Variants in CR2 observed in about 807,000 individuals in gnomAD.
The protein encoded by CR2 is complement C3d receptor 2, also known as complement receptor type 2.
A neutral mutation model predicts 123.0 loss-of-function variants in CR2; 96 were observed. The ratio of observed to expected loss-of-function variants is 0.78; its 90% CI spans 0.66 to 0.93. The LOEUF is 0.93. Among genes scored for constraint, CR2 ranks in the 40% least tolerant of loss-of-function variants. CR2 has a pLI of 0.00. For synonymous variants in CR2, 484 were observed against 469.5 expected (o/e 1.03, Z -0.40); for missense variants, 1,258 against 1,361.0 (o/e 0.92, Z 1.19).
chr1:207,480,920 CA>C (rs57032478), intron 18 of CR2, among the ~76,000 whole-genome samples: 29,236 of 150,506 alleles, frequency 0.19, 2,892 homozygotes, highest in Middle Eastern at 0.26. Flanking sequence ...TTTATAATTT[CA>C]AAAAAAAATT....
At chr1:207,457,434 C>T (rs1050573794) in intron 1 of CR2, among the ~76,000 whole-genome samples, 28 of 152,164 alleles carry the variant, frequency 1.8e-4, no homozygotes, top group Non-Finnish European at 5.9e-5. Flanking sequence ...TTTAAGTATA[C>T]CCCAGGAAAT....
intron 1 of CR2, among the ~76,000 whole-genome samples, chr1:207,460,846 T>C (rs1657946665): frequency 6.6e-6 from 1 of 152,110 alleles, no homozygotes. Context: ...ATTTACTGAG[T>C]TCTCTTTGGT....
At chr1:207,482,523 G>A (rs1021944655) in intron 18 of CR2, among the ~76,000 whole-genome samples, 31 of 152,110 alleles carry the variant, frequency 2.0e-4, no homozygotes, top group African/African-American at 7.5e-4. Context: ...CAATGGCTGA[G>A]TGCCTACTAT....
rs1252730507 is a variant in CR2 at position 207,474,909 on chromosome 1, C to A, written c.2409C>A (p.Val803=). 1 of 1,613,926 alleles carries A rather than the reference C, an allele frequency of 6.2e-7. No individual in the cohort carries two copies. The highest frequency in any genetic ancestry group is 2.2e-5 in the East Asian group (1 of 44,876). The part of the protein sequence containing the change: ...MAENFLYGNE[V]SYECDQGFYL... ...AAAACTTTCTATATGGAAATGAAGT[C>A]TCTTATGAATGTGACCAAGGATTCT... Residue 803 remains valine (V), a synonymous_variant, in exon 14 of 20, where the codon GTC becomes GTA. Coordinates refer to ENST00000367057, the MANE Select transcript of CR2 (RefSeq NM_001006658.3).
chr1:207,460,141 A>C (rs1290207739), intron 1 of CR2, among the ~76,000 whole-genome samples: 2 of 152,172 alleles, frequency 1.3e-5, no homozygotes, highest in African/African-American at 2.4e-5. Flanking sequence ...AAGTCACTTG[A>C]CTAGAGTCAC....
intron 1 of CR2, among the ~76,000 whole-genome samples, chr1:207,466,082 T>C (rs550131209): frequency 6.6e-6 from 1 of 152,342 alleles, no homozygotes; most frequent in African/African-American, 2.4e-5. Flanking sequence ...ACTAAGAAAC[T>C]GAAGCTTAAA....
intron 15 of CR2, among the ~76,000 whole-genome samples, 160 bp downstream of exon 15, chr1:207,476,579 A>C (rs1658449819): frequency 6.6e-6 from 1 of 152,208 alleles, no homozygotes; most frequent in Non-Finnish European, 1.5e-5. Context: ...AATATCTCAA[A>C]ATAAGAAAAA....
chr1:207,480,680 T>C (rs1247507937), intron 18 of CR2, among the ~76,000 whole-genome samples: 1 of 152,204 alleles, frequency 6.6e-6, no homozygotes, highest in Non-Finnish European at 1.5e-5. Context: ...TATTGTCAGA[T>C]GACTTGCCAG....
intron 1 of CR2, among the ~76,000 whole-genome samples, chr1:207,465,492 C>A (rs950845584): frequency 2.6e-5 from 4 of 152,150 alleles, no homozygotes; most frequent in Non-Finnish European, 5.9e-5. Context: ...TTCTGGAATG[C>A]AGACCAAAGA....
At chr1:207,458,020 G>A (rs1657875374) in intron 1 of CR2, among the ~76,000 whole-genome samples, 1 of 139,834 alleles carries the variant, frequency 7.2e-6, no homozygotes, top group Admixed American at 7.2e-5. Flanking sequence ...AAGTCTGAAT[G>A]GAAATGATTC....
At chr1:207,463,814 C>A (rs185875709) in intron 1 of CR2, among the ~76,000 whole-genome samples, 16 of 152,196 alleles carry the variant, frequency 1.1e-4, no homozygotes, top group Non-Finnish European at 2.1e-4. Flanking sequence ...TAATGACATG[C>A]CTTTTAATGA....
At chr1:207,483,474 A>G (rs976539222) in intron 18 of CR2, among the ~76,000 whole-genome samples, 1 of 152,164 alleles carries the variant, frequency 6.6e-6, no homozygotes, top group South Asian at 2.1e-4. Context: ...CAGAGTGTGT[A>G]CCACACAACC....
intron 8 of CR2, 81 bp downstream of exon 8, chr1:207,471,168 T>C (rs1658266661): frequency 7.3e-7 from 1 of 1,366,462 alleles, no homozygotes; most frequent in Non-Finnish European, 1.0e-6. Context: ...TTTGTATCAG[T>C]ACACCCTGCA....
At chr1:207,455,826 G>A (rs1298321554) in intron 1 of CR2, among the ~76,000 whole-genome samples, 1 of 152,190 alleles carries the variant, frequency 6.6e-6, no homozygotes, top group African/African-American at 2.4e-5. Flanking sequence ...CACAGCAGCA[G>A]CATCATGTAG....
chr1:207,454,412 C>T lies in CR2; in HGVS notation c.-7C>T. On this transcript the variant is annotated 5_prime_UTR_variant, in exon 1 of 20. Transcript: ENST00000367057. This position sits in a 1 kb window ranked among gnomAD's most constrained non-coding sequence, Gnocchi z 4.3. ...ACGCATCCCGCCGCGGGGGCTTCGG[C>T]CGTGGCATGGGCGCCGCGGGCCTGC... 1.3e-6 allele frequency: 2 copies of T among 1,579,604 alleles called. No homozygotes were observed. The highest frequency in any genetic ancestry group is 1.7e-6 in the Non-Finnish European group (2 of 1,170,012).
At chr1:207,485,103 C>T (rs1019718724) in intron 18 of CR2, among the ~76,000 whole-genome samples, 2 of 152,110 alleles carry the variant, frequency 1.3e-5, no homozygotes, top group African/African-American at 2.4e-5. Context: ...AACCAAACAC[C>T]GTATGTTCTC....
chr1:207,480,058 G>A lies in CR2; in HGVS notation c.3188+5G>A. 1 of 1,602,996 alleles carries A rather than the reference G, an allele frequency of 6.2e-7. No homozygotes were observed. Among genetic ancestry groups the A allele is most frequent in the Non-Finnish European group, 8.5e-7 (1 of 1,170,196 alleles). ...GATATCAAAACACAGAGCACGGTAA[G>A]TTCAAAGGCGAATACTTGATTGACC... On this transcript the variant is annotated splice_donor_5th_base_variant and intron_variant, in intron 18 of 19. Transcript: ENST00000367057.
intron 14 of CR2, among the ~76,000 whole-genome samples, chr1:207,475,912 A>G (rs1658423017): frequency 6.6e-6 from 1 of 152,218 alleles, no homozygotes; most frequent in African/African-American, 2.4e-5. Flanking sequence ...GCTCTCGTAG[A>G]CATTTGAAGG....
intron 6 of CR2, 82 bp from the exon 7 acceptor site, chr1:207,470,658 T>C (rs1437443081): frequency 2.2e-6 from 3 of 1,354,364 alleles, no homozygotes; most frequent in Non-Finnish European, 3.2e-6. Context: ...AATTATAGCA[T>C]GAATATCAAT....
Sources: allele counts gnomAD v4.1 joint callset (sites outside exome capture counted in the v4.1 genomes callset), GRCh38; gene constraint gnomAD v4.1.1; non-coding constraint Gnocchi (gnomAD v3.1); transcripts MANE v1.5; gene names NCBI Gene and HGNC (gene_info 2026-07-23, HGNC 2026-07-21).